DLGAP4: variants seen among roughly 807,000 people sequenced by gnomAD.
The protein encoded by DLGAP4 is DLG associated protein 4.
DLGAP4 carries 18 observed loss-of-function variants against 86.9 expected under a neutral mutation model. That is an observed-to-expected ratio of 0.21 (90% CI 0.14 to 0.31). The LOEUF is 0.31. DLGAP4 is among the 10% of genes least tolerant of loss of function. The probability of loss-of-function intolerance (pLI) is 1.00; values close to 1 mark genes in which losing one functional copy is unlikely to be tolerated. For synonymous variants in DLGAP4, 548 were observed against 574.3 expected, an observed-to-expected ratio of 0.95 and a Z score of 0.65; for missense variants, 1,085 against 1,362.6, an observed-to-expected ratio of 0.80 and a Z score of 3.21.
At chr20:36,319,840 C>T (rs781936657) in intron 1 of DLGAP4, among the ~76,000 whole-genome samples, 1 of 152,126 alleles carries the variant, frequency 6.6e-6, no homozygotes, top group Non-Finnish European at 1.5e-5. Flanking sequence ...CCCTCACCAC[C>T]CCAGGCCTCT....
At position 36,446,731 on chromosome 20, in the gene DLGAP4, C is replaced by T. The variant is rs542226781; in HGVS notation, c.1442C>T (p.Ala481Val). 51 of 1,611,326 alleles carry T rather than the reference C, an allele frequency of 3.2e-5. No homozygotes were observed. The highest frequency in any genetic ancestry group is 2.2e-4 in the South Asian group (20 of 90,936). ...REAELSDQYE[A>V]ACESACSEAE... Reference sequence around the variant, plus strand: ...GCAGAGCTGAGTGACCAGTATGAGGCGGCCTGCGAGTCAGCCTGCAGTGAA... The same window carrying T: ...GCAGAGCTGAGTGACCAGTATGAGGTGGCCTGCGAGTCAGCCTGCAGTGAA... Residue 481 changes from alanine to valine, a missense_variant, in exon 7 of 13, where the codon GCG becomes GTG. Ala to Val is a moderately conservative substitution (Grantham distance 64, BLOSUM62 0). Coordinates refer to ENST00000339266, the MANE Select transcript of DLGAP4 (RefSeq NM_001365621.2).
chr20:36,378,598 G>C (rs1329860342), intron 2 of DLGAP4, among the ~76,000 whole-genome samples: 1 of 151,990 alleles, frequency 6.6e-6, no homozygotes, highest in Non-Finnish European at 1.5e-5. Flanking sequence ...GTAGACACCA[G>C]TCCCTCCATA....
In DLGAP4 at chr20:36,527,748, A is replaced by G. The variant is rs1268835289; in HGVS notation, c.*717A>G. 1 of 152,640 alleles carries G rather than the reference A, an allele frequency of 6.6e-6. No individual in the cohort carries two copies. The highest frequency in any genetic ancestry group is 2.4e-5 in the African/African-American group (1 of 41,416). 9.5% of individuals were successfully genotyped at this position (152,640 alleles called of 1,614,324 possible). ...CCGCTGAGCAGATGAGGGAAGTTTT[A>G]GTCTTGGCGGGTGGAAATGAGACGA... On this transcript the variant is annotated 3_prime_UTR_variant, in exon 13 of 13. Transcript: ENST00000339266.
At chr20:36,341,447 G>A (rs987376953) in intron 1 of DLGAP4, among the ~76,000 whole-genome samples, 4 of 152,218 alleles carry the variant, frequency 2.6e-5, no homozygotes, top group Admixed American at 2.0e-4. Context: ...ATGTACCAAC[G>A]ATGGTGATGC....
rs75128974 is a variant in DLGAP4 at position 36,356,243 on chromosome 20, A to G, written c.-303-10802A>G. On this transcript the variant is annotated intron_variant, in intron 1 of 12. Transcript: ENST00000339266. ...GTACACCACAAATCCAGACAGTTGC[A>G]TGGATCAATCAATTCACTTTATCGT... Among the ~76,000 whole-genome samples, 49 of 152,370 alleles carry G rather than the reference A, an allele frequency of 3.2e-4. No homozygotes were observed. The East Asian group carries it at 6.9e-3, about 22-fold the overall frequency.
At chr20:36,379,231 T>A (rs2031280069) in intron 2 of DLGAP4, among the ~76,000 whole-genome samples, 1 of 151,980 alleles carries the variant, frequency 6.6e-6, no homozygotes, top group Non-Finnish European at 1.5e-5. Flanking sequence ...GAACAAAGGT[T>A]GGGAAGGTGG....
rs1555889546 is a variant in DLGAP4, at chr20:36,306,950, C to T, written c.-304+438C>T. On this transcript the variant is annotated intron_variant, in intron 1 of 12. Transcript: ENST00000339266. This position sits in a 1 kb window ranked among gnomAD's most constrained non-coding sequence, Gnocchi z 4.9. ...GGGTCAGGCGGACCCCTCCCGTGCC[C>T]GGCCAACCTTGGCGCTTGGGAGAGC... Among the ~76,000 whole-genome samples, 1 of 152,172 alleles carries T rather than the reference C, an allele frequency of 6.6e-6. No individual in the cohort carries two copies. The highest frequency in any genetic ancestry group is 1.5e-5 in the Non-Finnish European group (1 of 68,024).
intron 1 of DLGAP4, among the ~76,000 whole-genome samples, chr20:36,317,265 T>TA (rs1206846500): frequency 4.4e-5 from 2 of 45,638 alleles, no homozygotes; most frequent in South Asian, 6.6e-4. Context: ...CTTTCTTTCT[T>TA]TCTTTCTTTC....
At chr20:36,510,320 G>A (rs2036620727) in intron 10 of DLGAP4, among the ~76,000 whole-genome samples, 1 of 150,270 alleles carries the variant, frequency 6.7e-6, no homozygotes, top group Non-Finnish European at 1.5e-5. Flanking sequence ...CTGAAGTGCA[G>A]TGGCATGATC....
chr20:36,359,637 A>T (rs150993281), intron 1 of DLGAP4, among the ~76,000 whole-genome samples: 1 of 152,236 alleles, frequency 6.6e-6, no homozygotes, highest in African/African-American at 2.4e-5. Flanking sequence ...GGCCTACACA[A>T]AGCTGTGGGT....
intron 11 of DLGAP4, chr20:36,525,648 TC>T: frequency 1.5e-6 from 1 of 646,586 alleles, no homozygotes; most frequent in South Asian, 2.0e-5. Context: ...CCTTAGACTA[TC>T]CCCCAAAGAT....
chr20:36,417,902 A>T (rs1161295997), intron 2 of DLGAP4, among the ~76,000 whole-genome samples: 1 of 152,034 alleles, frequency 6.6e-6, no homozygotes. Flanking sequence ...CTCCTGCCTC[A>T]GCCTCCCGAG....
chr20:36,466,924 T>TGC (rs2147641378), intron 7 of DLGAP4, among the ~76,000 whole-genome samples: 1 of 139,182 alleles, frequency 7.2e-6, no homozygotes, highest in Admixed American at 7.2e-5. Flanking sequence ...CTCTCGCTCT[T>TGC]GCTCTCTCTC....
chr20:36,315,126 TGTG>T (rs1187351934), intron 1 of DLGAP4, among the ~76,000 whole-genome samples: 110 of 148,810 alleles, frequency 7.4e-4, no homozygotes, highest in Admixed American at 1.5e-3. Flanking sequence ...TGGTATGTGG[TGTG>T]GTGTGTGTGA....
rs1448580534 is a variant in DLGAP4 at position 36,358,532 on chromosome 20, C to T, written c.-303-8513C>T. 4.6e-5 allele frequency among the ~76,000 whole-genome samples: 7 copies of T among 152,320 alleles called. No individual in the cohort carries two copies. The East Asian group carries it at 1.2e-3, about 25-fold the overall frequency. ...TAAAGAAATAGTTAACTTGGCTGGGCGCAGTGGCTCACGCCTATAATCCCA... is the reference window on the plus strand; with the variant it reads ...TAAAGAAATAGTTAACTTGGCTGGGTGCAGTGGCTCACGCCTATAATCCCA... On this transcript the variant is annotated intron_variant, in intron 1 of 12. Transcript: ENST00000339266.
At chr20:36,461,084 C>T (rs1269013142) in intron 7 of DLGAP4, among the ~76,000 whole-genome samples, 1 of 152,116 alleles carries the variant, frequency 6.6e-6, no homozygotes, top group Non-Finnish European at 1.5e-5. Flanking sequence ...CCCCTTACAG[C>T]GAGGTGTCGC....
In DLGAP4 at chr20:36,500,119, G is replaced by A; in HGVS notation, c.2100-80G>A. The A allele has an allele frequency of 6.9e-7, 1 of 1,450,040 alleles. No homozygotes were observed. The highest frequency in any genetic ancestry group is 9.3e-7 in the Non-Finnish European group (1 of 1,078,586). The allele number at this position is 1,450,040 out of a possible 1,614,324, so 89.8% of individuals were successfully genotyped here. A position where few individuals can be genotyped will look rare whatever the true frequency, so the allele number is the denominator to read the frequency against. Reference sequence around the variant, plus strand: ...CGTTTCTCTGTCTCCCGTGTGTCCGGGTCAAGGCGGCCTCTGGTCTCTGGC... The same window carrying A: ...CGTTTCTCTGTCTCCCGTGTGTCCGAGTCAAGGCGGCCTCTGGTCTCTGGC... On this transcript the variant is annotated intron_variant, in intron 9 of 12. Coordinates refer to ENST00000339266, the MANE Select transcript of DLGAP4 (RefSeq NM_001365621.2). The surrounding 1 kb of genome is among the most constrained non-coding windows in gnomAD (Gnocchi z 4.6).
chr20:36,442,255 C>T (rs542604224), intron 5 of DLGAP4, among the ~76,000 whole-genome samples: 17 of 152,280 alleles, frequency 1.1e-4, no homozygotes, highest in South Asian at 6.2e-4. Flanking sequence ...AGTGCAATGG[C>T]GCGATCCCAG....
intron 7 of DLGAP4, among the ~76,000 whole-genome samples, chr20:36,452,734 G>A (rs747587868): frequency 6.7e-6 from 1 of 150,212 alleles, no homozygotes; most frequent in Admixed American, 6.6e-5. Flanking sequence ...GGTCTTGAAC[G>A]TCTGACCTCA....
Sources: gnomAD v4.1 joint callset for allele counts (sites outside exome capture counted in the v4.1 genomes callset) on GRCh38, gnomAD v4.1.1 for gene constraint, Gnocchi (gnomAD v3.1) non-coding constraint, MANE v1.5 for transcripts, NCBI Gene and HGNC (gene_info 2026-07-23, HGNC 2026-07-21) for gene names.